The following RAB40B variants were observed in gnomAD, a reference collection of about 807,000 sequenced individuals.
RAB40B encodes the protein ras-related protein Rab-40B.
Under a neutral mutation model 24.0 loss-of-function variants are expected in RAB40B, and 21 were observed. The observed-to-expected ratio is 0.88, with a 90% CI of 0.62 to 1.26. The LOEUF (loss-of-function observed/expected upper bound fraction) is 1.26, where lower values mean the gene tolerates loss of function less well. Among genes scored for constraint, RAB40B ranks in the 50% most tolerant of loss-of-function variants. The pLI, the probability that RAB40B is intolerant of heterozygous loss-of-function variation, is 0.00. For synonymous variants in RAB40B, 167 were observed against 169.8 expected (o/e 0.98, Z 0.13); for missense variants, 348 against 390.5 (o/e 0.89, Z 0.92).
intron 1 of RAB40B, among the ~76,000 whole-genome samples, chr17:82,691,488 C>T (rs2046557115): frequency 1.3e-5 from 2 of 152,080 alleles, no homozygotes; most frequent in Admixed American, 1.3e-4. Flanking sequence ...GAGTTCGAGA[C>T]CAGCCTGACC....
chr17:82,670,534 ATTT>A (rs200923067), intron 1 of RAB40B, among the ~76,000 whole-genome samples: 226 of 129,766 alleles, frequency 1.7e-3, no homozygotes, highest in Non-Finnish European at 2.5e-3. Context: ...AGAATTCCTG[ATTT>A]TTTTTTTTTT....
chr17:82,677,845 C>A (rs1269419823), intron 1 of RAB40B, among the ~76,000 whole-genome samples: 1 of 152,338 alleles, frequency 6.6e-6, no homozygotes, highest in East Asian at 1.9e-4. Context: ...TGCACCTGAC[C>A]CGGGGCCTCT....
chr17:82,658,931 G>A (rs2046124810), intron 4 of RAB40B: 2 of 547,500 alleles, frequency 3.7e-6, no homozygotes, highest in Admixed American at 6.3e-5. Flanking sequence ...GGTGTCCTTG[G>A]GAGAAGAGAA....
chr17:82,672,537 G>T (rs1190380717), intron 1 of RAB40B, among the ~76,000 whole-genome samples: 4 of 152,264 alleles, frequency 2.6e-5, no homozygotes, highest in Admixed American at 1.3e-4. Context: ...CAGTTTGTAT[G>T]TTGATTGGAG....
intron 1 of RAB40B, among the ~76,000 whole-genome samples, chr17:82,677,351 C>T (rs1288492249): frequency 6.6e-6 from 1 of 152,240 alleles, no homozygotes; most frequent in Non-Finnish European, 1.5e-5. Context: ...ATCGTAAAAG[C>T]TCATTACAAT....
chr17:82,669,044 A>G (rs979903032), intron 1 of RAB40B, among the ~76,000 whole-genome samples: 4 of 152,268 alleles, frequency 2.6e-5, no homozygotes, highest in Non-Finnish European at 5.9e-5. Flanking sequence ...GTCCTTTTAC[A>G]GAAAGGAAAA....
At chr17:82,695,920 A>G (rs956071400) in intron 1 of RAB40B, among the ~76,000 whole-genome samples, 2 of 152,014 alleles carry the variant, frequency 1.3e-5, no homozygotes, top group Non-Finnish European at 2.9e-5. Context: ...CTTGTTGCCC[A>G]GGCTGGAGTA....
rs1352376740 is a variant in RAB40B at position 82,697,720 on chromosome 17, C to G, written c.142+735G>C. Among the ~76,000 whole-genome samples the G allele has an allele frequency of 6.6e-6, 1 of 152,232 alleles. No individual in the cohort carries two copies. The highest frequency in any genetic ancestry group is 1.5e-5 in the Non-Finnish European group (1 of 68,036). ...CCTTTCTTTCCCCGGAGCCGTCCAC[C>G]CCCTCGCCGGGCGCCGGCTTTCAAG... is the stretch of plus-strand genomic sequence containing the variant. On this transcript the variant is annotated intron_variant, in intron 1 of 5. Coordinates refer to ENST00000571995, the MANE Select transcript of RAB40B (RefSeq NM_006822.3). The surrounding 1 kb of genome is among the most constrained non-coding windows in gnomAD (Gnocchi z 4.9).
In RAB40B at chr17:82,667,156, C is replaced by T. The variant is rs1462549989; in HGVS notation, c.143-2600G>A. Among the ~76,000 whole-genome samples, 1 of 152,246 alleles carries T rather than the reference C, an allele frequency of 6.6e-6. No homozygotes were observed. The highest frequency in any genetic ancestry group is 1.9e-4 in the East Asian group (1 of 5,198). On this transcript the variant is annotated intron_variant, in intron 1 of 5. Coordinates refer to ENST00000571995, the MANE Select transcript of RAB40B (RefSeq NM_006822.3). This position sits in a 1 kb window ranked among gnomAD's most constrained non-coding sequence, Gnocchi z 4.3. ...ATGCGAGGCTGCGGAGGCCACGGTT[C>T]TCAAGCAGCTTCTGCCCCCTCGAAG... is the stretch of plus-strand genomic sequence containing the variant.
chr17:82,667,168 C>T lies in RAB40B; in HGVS notation c.143-2612G>A, dbSNP rs542766872. Among the ~76,000 whole-genome samples, 1 of 152,362 alleles carries T rather than the reference C, an allele frequency of 6.6e-6. No individual in the cohort carries two copies. The highest frequency in any genetic ancestry group is 2.1e-4 in the South Asian group (1 of 4,826). ...GGAGGCCACGGTTCTCAAGCAGCTTCTGCCCCCTCGAAGGGTCTAGAACCC... is the reference window on the plus strand; with the variant it reads ...GGAGGCCACGGTTCTCAAGCAGCTTTTGCCCCCTCGAAGGGTCTAGAACCC... On this transcript the variant is annotated intron_variant, in intron 1 of 5. Coordinates refer to ENST00000571995, the MANE Select transcript of RAB40B (RefSeq NM_006822.3). The surrounding 1 kb of genome is among the most constrained non-coding windows in gnomAD (Gnocchi z 4.3).
chr17:82,669,673 G>A (rs935605997), intron 1 of RAB40B, among the ~76,000 whole-genome samples: 5 of 151,940 alleles, frequency 3.3e-5, no homozygotes, highest in African/African-American at 4.8e-5. Flanking sequence ...TGTAAAAGGA[G>A]ACAAAAACAC....
At chr17:82,688,562 G>A (rs1011652957) in intron 1 of RAB40B, among the ~76,000 whole-genome samples, 1 of 152,112 alleles carries the variant, frequency 6.6e-6, no homozygotes, top group Non-Finnish European at 1.5e-5. Flanking sequence ...GGTGCAGTGA[G>A]CTAAGAACAC....
chr17:82,694,953 A>C (rs944671235), intron 1 of RAB40B, among the ~76,000 whole-genome samples: 1 of 151,886 alleles, frequency 6.6e-6, no homozygotes, highest in Non-Finnish European at 1.5e-5. Context: ...CTAGGTGATT[A>C]AGAGGGACAG....
At position 82,667,585 on chromosome 17, in the gene RAB40B, G is replaced by C. The variant is rs2046273650; in HGVS notation, c.143-3029C>G. 6.6e-6 allele frequency among the ~76,000 whole-genome samples: 1 copy of C among 152,106 alleles called. No individual in the cohort carries two copies. Among genetic ancestry groups the C allele is most frequent in the Non-Finnish European group, 1.5e-5 (1 of 68,024 alleles). On this transcript the variant is annotated intron_variant, in intron 1 of 5. Transcript: ENST00000571995. The surrounding 1 kb of genome is among the most constrained non-coding windows in gnomAD (Gnocchi z 4.3). ...TTTCTGTGGTGCCACCAGAGCCCCA[G>C]AGACATGGAGTCCAGGCTTCCCGCA...
rs117287332 is a variant in RAB40B, at chr17:82,694,253, C to T, written c.142+4202G>A. ...AAGATAATCAGAAAAATTCAGGCCG[C>T]GCACTGTGGCTCACACCTGTAATCC... On this transcript the variant is annotated intron_variant, in intron 1 of 5. Coordinates refer to ENST00000571995, the MANE Select transcript of RAB40B (RefSeq NM_006822.3). 3.1e-4 allele frequency among the ~76,000 whole-genome samples: 46 copies of T among 150,744 alleles called. 1 individual carries two copies. The East Asian group carries it at 5.5e-3, about 18-fold the overall frequency.
intron 4 of RAB40B, chr17:82,659,126 CTGT>C (rs1266395008): frequency 4.1e-6 from 1 of 246,838 alleles, no homozygotes; most frequent in Non-Finnish European, 7.9e-6. Flanking sequence ...GAATGCATTT[CTGT>C]TGTTCAGGAC....
At position 82,689,303 on chromosome 17, in the gene RAB40B, G is replaced by A. The variant is rs573783354; in HGVS notation, c.142+9152C>T. The stretch of plus-strand genomic sequence containing the variant: ...TCCAGCTGCGTCCACTCTGCACCAC[G>A]GTGGTGCCTGGTGCCAGGCTGGTGG... On this transcript the variant is annotated intron_variant, in intron 1 of 5. Coordinates refer to ENST00000571995, the MANE Select transcript of RAB40B (RefSeq NM_006822.3). Among the ~76,000 whole-genome samples, 30 of 152,364 alleles carry A rather than the reference G, an allele frequency of 2.0e-4. No homozygotes were observed. In the East Asian group the frequency reaches 3.1e-3, roughly 16 times the overall value.
At chr17:82,678,062 T>C (rs959117632) in intron 1 of RAB40B, among the ~76,000 whole-genome samples, 1 of 152,244 alleles carries the variant, frequency 6.6e-6, no homozygotes, top group Non-Finnish European at 1.5e-5. Flanking sequence ...AAGACTCTTC[T>C]TTTCATAAGC....
intron 1 of RAB40B, among the ~76,000 whole-genome samples, chr17:82,681,132 A>C (rs2046446190): frequency 6.6e-6 from 1 of 152,028 alleles, no homozygotes; most frequent in African/African-American, 2.4e-5. Context: ...CATTGAACAC[A>C]GTTGCCAAAA....
Sources: gnomAD v4.1 joint callset for allele counts (sites outside exome capture counted in the v4.1 genomes callset) on GRCh38, gnomAD v4.1.1 for gene constraint, Gnocchi (gnomAD v3.1) non-coding constraint, MANE v1.5 for transcripts, NCBI Gene and HGNC (gene_info 2026-07-23, HGNC 2026-07-21) for gene names.